Variants in SLC35D4 observed in about 807,000 individuals in gnomAD.
The protein encoded by SLC35D4 is UDP-N-acetylglucosamine transporter SLC35D4.
chr18:23,392,863 C>T, the SLC35D4 span, among the ~76,000 whole-genome samples: 3 of 152,142 alleles, frequency 2.0e-5, no homozygotes, highest in African/African-American at 7.2e-5. Flanking sequence ...TTATCACCCC[C>T]TCCTTTTCAC....
At chr18:23,419,114 A>G in the SLC35D4 span, among the ~76,000 whole-genome samples, 1 of 152,082 alleles carries the variant, frequency 6.6e-6, no homozygotes, top group Admixed American at 6.6e-5. Context: ...TTCAGCTGGG[A>G]TGTTTACTTT....
chr18:23,408,417 AT>A, the SLC35D4 span, among the ~76,000 whole-genome samples: 99 of 151,492 alleles, frequency 6.5e-4, no homozygotes, highest in South Asian at 4.2e-3. Flanking sequence ...ATCTTATAAC[AT>A]TTTTTTTTGT....
the SLC35D4 span, among the ~76,000 whole-genome samples, chr18:23,321,635 T>C: frequency 6.6e-6 from 1 of 152,184 alleles, no homozygotes; most frequent in African/African-American, 2.4e-5. Flanking sequence ...TTGTATATTT[T>C]GTAGAGATGG....
the SLC35D4 span, among the ~76,000 whole-genome samples, chr18:23,312,987 C>T: frequency 7.3e-5 from 11 of 151,724 alleles, no homozygotes; most frequent in African/African-American, 1.9e-4. Flanking sequence ...ATTAGCCAGG[C>T]GTGATGGCGG....
the SLC35D4 span, among the ~76,000 whole-genome samples, chr18:23,347,008 G>A: frequency 6.6e-6 from 1 of 152,092 alleles, no homozygotes; most frequent in Non-Finnish European, 1.5e-5. Flanking sequence ...CTTTACAGCT[G>A]GGTAACCCAC....
chr18:23,273,673 G>A, the SLC35D4 span, among the ~76,000 whole-genome samples: 1 of 152,160 alleles, frequency 6.6e-6, no homozygotes, highest in Non-Finnish European at 1.5e-5. Context: ...CACTCACTTA[G>A]ATATGGAAGC....
chr18:23,241,819 T>TA, the SLC35D4 span, among the ~76,000 whole-genome samples: 1 of 152,142 alleles, frequency 6.6e-6, no homozygotes, highest in African/African-American at 2.4e-5. Context: ...GGACATGTCT[T>TA]AGAGTGGGAA....
chr18:23,342,738 G>T, the SLC35D4 span, among the ~76,000 whole-genome samples: 12 of 152,120 alleles, frequency 7.9e-5, no homozygotes, highest in Admixed American at 5.2e-4. Flanking sequence ...GGCACTGTCT[G>T]TACCTTTTTA....
the SLC35D4 span, among the ~76,000 whole-genome samples, chr18:23,314,471 A>T: frequency 1.4e-4 from 21 of 152,204 alleles, no homozygotes; most frequent in Non-Finnish European, 4.4e-5. Flanking sequence ...GGGGGGGGCT[A>T]CTAAGTGCTC....
chr18:23,313,689 A>T, the SLC35D4 span, among the ~76,000 whole-genome samples: 2 of 152,278 alleles, frequency 1.3e-5, no homozygotes, highest in Admixed American at 1.3e-4. Flanking sequence ...TTCCTGAGTG[A>T]TCCACCTGGT....
the SLC35D4 span, among the ~76,000 whole-genome samples, chr18:23,345,778 A>G: frequency 6.6e-6 from 1 of 151,904 alleles, no homozygotes; most frequent in Non-Finnish European, 1.5e-5. Context: ...TTTAGCAAAA[A>G]TTTCCATCTT....
the SLC35D4 span, among the ~76,000 whole-genome samples, chr18:23,396,247 T>C: frequency 6.6e-6 from 1 of 152,224 alleles, no homozygotes. Flanking sequence ...GAGGGCTTTA[T>C]GGAGCAGAGC....
At chr18:23,365,010 AG>A in the SLC35D4 span, among the ~76,000 whole-genome samples, 1 of 151,860 alleles carries the variant, frequency 6.6e-6, no homozygotes, top group Non-Finnish European at 1.5e-5. Flanking sequence ...CCAGATAGAA[AG>A]AGGGTAACTT....
At chr18:23,272,706 G>A in the SLC35D4 span, among the ~76,000 whole-genome samples, 2 of 152,108 alleles carry the variant, frequency 1.3e-5, no homozygotes, top group Non-Finnish European at 2.9e-5. Flanking sequence ...CTGCCTACAC[G>A]AACCTGACTT....
chr18:23,313,151 A>AAAAAAAAAAAAAAAAAAAAAAAAAAAAC, the SLC35D4 span, among the ~76,000 whole-genome samples: 1 of 145,908 alleles, frequency 6.9e-6, no homozygotes, highest in Non-Finnish European at 1.5e-5. Context: ...AAAAAAAAAA[A>AAAAAAAAAAAAAAAAAAAAAAAAAAAAC]AAAAAAGAAC....
the SLC35D4 span, among the ~76,000 whole-genome samples, chr18:23,374,212 C>T: frequency 3.3e-5 from 5 of 152,200 alleles, no homozygotes; most frequent in Non-Finnish European, 7.3e-5. Context: ...ACCCCACAAC[C>T]GAATGATCAA....
the SLC35D4 span, among the ~76,000 whole-genome samples, chr18:23,341,993 G>GA: frequency 4.6e-5 from 7 of 150,702 alleles, no homozygotes; most frequent in East Asian, 5.9e-4. Flanking sequence ...ATATACACAG[G>GA]AAAAAAAAAA....
the SLC35D4 span, among the ~76,000 whole-genome samples, chr18:23,394,190 C>T: frequency 6.6e-6 from 1 of 152,226 alleles, no homozygotes; most frequent in Non-Finnish European, 1.5e-5. Flanking sequence ...CTCAAGGGTT[C>T]CAACTTCTCC....
the SLC35D4 span, among the ~76,000 whole-genome samples, chr18:23,361,103 C>CAAAAAAAAAAAAAA: frequency 8.5e-5 from 8 of 94,112 alleles, no homozygotes; most frequent in African/African-American, 2.4e-4. Flanking sequence ...GACTTTGTCT[C>CAAAAAAAAAAAAAA]AAAAAAAAAA....
Sources: gnomAD v4.1 joint callset for allele counts (sites outside exome capture counted in the v4.1 genomes callset) on GRCh38, gnomAD v4.1.1 for gene constraint, MANE v1.5 for transcripts, NCBI Gene and HGNC (gene_info 2026-07-23, HGNC 2026-07-21) for gene names.